GPC6: variants seen among roughly 807,000 people sequenced by gnomAD.
GPC6 encodes the protein glypican-6.
A neutral mutation model predicts 55.2 loss-of-function variants in GPC6; 14 were observed. That is an observed-to-expected ratio of 0.25 (90% confidence interval 0.17 to 0.40). The LOEUF is 0.40. Among genes scored for constraint, GPC6 ranks in the 10% least tolerant of loss-of-function variants. The pLI is 1.00. For synonymous variants in GPC6, 278 were observed against 259.6 expected (o/e 1.07, Z -0.68); for missense variants, 641 against 708.5 (o/e 0.90, Z 1.08).
At chr13:94,080,771 A>G (rs1205989096) in intron 4 of GPC6, among the ~76,000 whole-genome samples, 2 of 152,160 alleles carry the variant, frequency 1.3e-5, no homozygotes, top group African/African-American at 4.8e-5. Context: ...TAATCCCACC[A>G]TGATGGCCTC....
At chr13:94,112,184 A>G (rs1886270733) in intron 4 of GPC6, among the ~76,000 whole-genome samples, 3 of 152,298 alleles carry the variant, frequency 2.0e-5, no homozygotes, top group South Asian at 4.1e-4. Flanking sequence ...TTTAATGAAG[A>G]TGATTAAAAT....
At chr13:93,843,609 G>A (rs946303337) in intron 3 of GPC6, among the ~76,000 whole-genome samples, 1 of 152,096 alleles carries the variant, frequency 6.6e-6, no homozygotes, top group Non-Finnish European at 1.5e-5. Context: ...GAGCTCTTTA[G>A]GATTTCAAGC....
chr13:94,193,937 G>A (rs947100308), intron 4 of GPC6, among the ~76,000 whole-genome samples: 3 of 152,152 alleles, frequency 2.0e-5, no homozygotes, highest in Non-Finnish European at 4.4e-5. Context: ...GTTTTATGCT[G>A]GGGGTAAGTC....
intron 1 of GPC6, among the ~76,000 whole-genome samples, chr13:93,326,219 G>T (rs1004898505): frequency 1.3e-5 from 2 of 152,156 alleles, no homozygotes; most frequent in African/African-American, 4.8e-5. Context: ...AGGCTGTGGG[G>T]TTGAGAGGTA....
At chr13:93,748,376 C>G (rs1411121324) in intron 2 of GPC6, among the ~76,000 whole-genome samples, 1 of 151,692 alleles carries the variant, frequency 6.6e-6, no homozygotes, top group African/African-American at 2.4e-5. Flanking sequence ...TTATTTGTAG[C>G]TTTTTGTGAT....
chr13:94,154,969 A>G (rs1290746254), intron 4 of GPC6, among the ~76,000 whole-genome samples: 2 of 152,064 alleles, frequency 1.3e-5, no homozygotes, highest in Non-Finnish European at 2.9e-5. Context: ...CTTCTCAGCC[A>G]CCTTTGTGGC....
chr13:93,485,363 A>T (rs1258626655), intron 1 of GPC6, among the ~76,000 whole-genome samples: 1 of 152,192 alleles, frequency 6.6e-6, no homozygotes, highest in East Asian at 1.9e-4. Context: ...CTGATAGCTC[A>T]TGTTAGATAG....
intron 1 of GPC6, among the ~76,000 whole-genome samples, chr13:93,329,211 C>G (rs1016984750): frequency 4.6e-5 from 7 of 152,138 alleles, no homozygotes; most frequent in Admixed American, 3.3e-4. Context: ...CCCTAGGTTT[C>G]GTGGCAAACC....
intron 4 of GPC6, among the ~76,000 whole-genome samples, chr13:94,058,789 G>T (rs954230305): frequency 6.6e-6 from 1 of 152,096 alleles, no homozygotes; most frequent in Non-Finnish European, 1.5e-5. Context: ...TTGAATGTTA[G>T]GGCAAGAGTT....
chr13:94,299,998 A>T (rs1875557094), intron 5 of GPC6, among the ~76,000 whole-genome samples: 2 of 152,132 alleles, frequency 1.3e-5, no homozygotes, highest in South Asian at 4.1e-4. Flanking sequence ...TACCCTTAAA[A>T]CATCAAATCT....
chr13:94,383,812 G>T (rs1880284175), intron 7 of GPC6, among the ~76,000 whole-genome samples: 1 of 152,144 alleles, frequency 6.6e-6, no homozygotes, highest in Non-Finnish European at 1.5e-5. Context: ...GTTCCCTATA[G>T]CTGGGGAGGC....
intron 1 of GPC6, among the ~76,000 whole-genome samples, chr13:93,488,687 G>A (rs1290761820): frequency 1.3e-5 from 2 of 152,032 alleles, no homozygotes; most frequent in East Asian, 1.9e-4. Context: ...TGGTATCTCA[G>A]TGTGGTTTTG....
intron 1 of GPC6, among the ~76,000 whole-genome samples, chr13:93,352,515 T>G (rs1005405969): frequency 6.6e-6 from 1 of 152,180 alleles, no homozygotes; most frequent in Non-Finnish European, 1.5e-5. Context: ...TTGGGTTTGC[T>G]GAATTTGAAG....
intron 4 of GPC6, among the ~76,000 whole-genome samples, chr13:94,034,343 G>A (rs918406395): frequency 6.6e-6 from 1 of 152,150 alleles, no homozygotes; most frequent in African/African-American, 2.4e-5. Context: ...GGTTTACTCT[G>A]AACTCTGCAT....
chr13:93,225,824 G>C (rs1439039277), upstream of GPC6, among the ~76,000 whole-genome samples: 3 of 152,174 alleles, frequency 2.0e-5, no homozygotes, highest in African/African-American at 4.8e-5. Context: ...GCATTACCTT[G>C]TAGTAGTTTG....
chr13:93,783,749 CCTACACT>C (rs1885733408), intron 2 of GPC6, among the ~76,000 whole-genome samples: 1 of 152,148 alleles, frequency 6.6e-6, no homozygotes, highest in South Asian at 2.1e-4. Flanking sequence ...TATCATGCAG[CCTACACT>C]GCAGTCTACG....
chr13:93,564,475 AAAG>A (rs1875985497), intron 2 of GPC6, among the ~76,000 whole-genome samples: 1 of 152,166 alleles, frequency 6.6e-6, no homozygotes, highest in Non-Finnish European at 1.5e-5. Flanking sequence ...AAAATATTTT[AAAG>A]AAGAACAATG....
intron 2 of GPC6, among the ~76,000 whole-genome samples, chr13:93,577,526 A>T (rs1876722418): frequency 6.6e-6 from 1 of 152,086 alleles, no homozygotes; most frequent in Non-Finnish European, 1.5e-5. Context: ...TGGTATATGT[A>T]AATGTTATTG....
chr13:93,348,160 C>G (rs1880493145), intron 1 of GPC6, among the ~76,000 whole-genome samples: 1 of 152,134 alleles, frequency 6.6e-6, no homozygotes, highest in Non-Finnish European at 1.5e-5. Flanking sequence ...AGAAGGTGAA[C>G]CAAAGTCCCC....
Sources: gnomAD v4.1 joint callset for allele counts (sites outside exome capture counted in the v4.1 genomes callset) on GRCh38, gnomAD v4.1.1 for gene constraint, MANE v1.5 for transcripts, NCBI Gene and HGNC (gene_info 2026-07-23, HGNC 2026-07-21) for gene names.